MLLT10: variants seen among roughly 807,000 people sequenced by gnomAD.
MLLT10 encodes MLLT10 histone lysine methyltransferase DOT1L cofactor.
A neutral mutation model predicts 129.1 loss-of-function variants in MLLT10; 30 were observed. That is an observed-to-expected ratio of 0.23 (90% CI 0.17 to 0.32). MLLT10 has a LOEUF of 0.32. Among genes scored for constraint, MLLT10 ranks in the 10% least tolerant of loss-of-function variants. MLLT10 has a pLI of 1.00. For missense variants in MLLT10, 1,119 were observed against 1,268.3 expected (o/e 0.88, Z 1.79); for synonymous variants, 490 against 446.4 (o/e 1.10, Z -1.23).
At chr10:21,544,888 G>A (rs536867000) in intron 3 of MLLT10, among the ~76,000 whole-genome samples, 5 of 152,366 alleles carry the variant, frequency 3.3e-5, no homozygotes, top group African/African-American at 1.2e-4. Flanking sequence ...TCTTATGCCT[G>A]TAATCCCAGG....
At chr10:21,639,476 A>C (rs115841277) in intron 8 of MLLT10, among the ~76,000 whole-genome samples, 4,188 of 152,204 alleles carry the variant, frequency 0.028, 201 homozygotes, top group African/African-American at 0.095. Context: ...GGAAACCCTT[A>C]CTTATGTTTA....
At chr10:21,712,099 C>T (rs1250714359) in intron 13 of MLLT10, among the ~76,000 whole-genome samples, 2 of 152,106 alleles carry the variant, frequency 1.3e-5, no homozygotes, top group African/African-American at 4.8e-5. Context: ...GATCCCGACG[C>T]CTTAATTATA....
intron 8 of MLLT10, among the ~76,000 whole-genome samples, chr10:21,650,913 G>A (rs1781580819): frequency 6.6e-6 from 1 of 152,090 alleles, no homozygotes; most frequent in South Asian, 2.1e-4. Flanking sequence ...TGGAGTTTCT[G>A]TGCCTCTAGT....
chr10:21,613,466 G>T (rs144826431), intron 6 of MLLT10, among the ~76,000 whole-genome samples: 1 of 152,002 alleles, frequency 6.6e-6, no homozygotes, highest in Non-Finnish European at 1.5e-5. Context: ...ATAAATTCTC[G>T]TAATGACTGT....
chr10:21,716,231 CAA>C (rs1475045543), intron 14 of MLLT10, among the ~76,000 whole-genome samples: 1 of 152,170 alleles, frequency 6.6e-6, no homozygotes, highest in African/African-American at 2.4e-5. Context: ...TACAAAACGA[CAA>C]AGTTTATTCC....
At chr10:21,689,657 A>ATT (rs1361323892) in intron 13 of MLLT10, among the ~76,000 whole-genome samples, 4 of 143,178 alleles carry the variant, frequency 2.8e-5, no homozygotes, top group African/African-American at 7.7e-5. Flanking sequence ...ATATATATAT[A>ATT]TATATTTTTT....
intron 3 of MLLT10, among the ~76,000 whole-genome samples, chr10:21,543,200 A>C (rs557896425): frequency 6.6e-6 from 1 of 152,054 alleles, no homozygotes; most frequent in East Asian, 1.9e-4. Context: ...GGCTCACCAC[A>C]ACCTCCACCT....
At chr10:21,537,266 A>G (rs958170222) in intron 2 of MLLT10, among the ~76,000 whole-genome samples, 2 of 152,112 alleles carry the variant, frequency 1.3e-5, no homozygotes, top group African/African-American at 4.8e-5. Context: ...TACAGTGGGT[A>G]GTACTCTGTT....
chr10:21,725,473 CT>C (rs1162477205), intron 14 of MLLT10, among the ~76,000 whole-genome samples: 3 of 152,084 alleles, frequency 2.0e-5, no homozygotes, highest in African/African-American at 7.2e-5. Context: ...AATCCCAGCT[CT>C]TTGGGAGGCC....
intron 3 of MLLT10, among the ~76,000 whole-genome samples, chr10:21,578,870 A>G (rs1166917347): frequency 1.3e-5 from 2 of 152,234 alleles, no homozygotes; most frequent in Non-Finnish European, 2.9e-5. Flanking sequence ...CCAGAAAACA[A>G]CAATATAATT....
chr10:21,681,596 T>A (rs926319689), intron 12 of MLLT10, among the ~76,000 whole-genome samples: 1 of 152,230 alleles, frequency 6.6e-6, no homozygotes, highest in Non-Finnish European at 1.5e-5. Flanking sequence ...TTATTGTTGG[T>A]CTTTTAATAT....
At chr10:21,729,740 T>C (rs1274444502) in intron 16 of MLLT10, among the ~76,000 whole-genome samples, 1 of 152,190 alleles carries the variant, frequency 6.6e-6, no homozygotes, top group African/African-American at 2.4e-5. Context: ...CACTAGGTTG[T>C]TGTGGAGATC....
At chr10:21,643,698 G>A (rs556892141) in intron 8 of MLLT10, among the ~76,000 whole-genome samples, 14 of 152,190 alleles carry the variant, frequency 9.2e-5, no homozygotes, top group South Asian at 4.1e-4. Context: ...GATGACTAAC[G>A]ACACCTCCCT....
At chr10:21,576,033 T>C (rs565749412) in intron 3 of MLLT10, among the ~76,000 whole-genome samples, 2 of 152,020 alleles carry the variant, frequency 1.3e-5, no homozygotes, top group South Asian at 4.2e-4. Context: ...TTCAAGCAGT[T>C]CACCTGTTTC....
chr10:21,696,014 C>T (rs1349937153), intron 13 of MLLT10, among the ~76,000 whole-genome samples: 2 of 146,568 alleles, frequency 1.4e-5, no homozygotes, highest in African/African-American at 2.5e-5. Flanking sequence ...TTGACAGTCT[C>T]AGCCATATAA....
At chr10:21,632,145 G>A (rs1271897262) in intron 8 of MLLT10, among the ~76,000 whole-genome samples, 1 of 152,158 alleles carries the variant, frequency 6.6e-6, no homozygotes, top group Non-Finnish European at 1.5e-5. Context: ...GATGTGAATA[G>A]TCTTTTTGAA....
At chr10:21,581,417 G>A (rs1464337883) in intron 3 of MLLT10, among the ~76,000 whole-genome samples, 1 of 151,694 alleles carries the variant, frequency 6.6e-6, no homozygotes, top group African/African-American at 2.4e-5. Context: ...AAATGCACTT[G>A]TATAGGGCTT....
chr10:21,593,857 A>C (rs1199529312), intron 4 of MLLT10, among the ~76,000 whole-genome samples: 2 of 136,496 alleles, frequency 1.5e-5, no homozygotes, highest in African/African-American at 2.7e-5. Context: ...AACTGGAAGG[A>C]GGAAGTTGTA....
intron 2 of MLLT10, among the ~76,000 whole-genome samples, chr10:21,536,614 G>C (rs938949297): frequency 1.3e-5 from 2 of 152,098 alleles, no homozygotes; most frequent in Admixed American, 6.5e-5. Flanking sequence ...TCACTTTGTG[G>C]CTCAGGCTGG....
Sources: allele counts gnomAD v4.1 joint callset (sites outside exome capture counted in the v4.1 genomes callset), GRCh38; gene constraint gnomAD v4.1.1; transcripts MANE v1.5; gene names NCBI Gene and HGNC (gene_info 2026-07-23, HGNC 2026-07-21).